Variants in CNTN1 observed in about 807,000 individuals in gnomAD.
The protein encoded by CNTN1 is contactin-1.
In CNTN1, 38 loss-of-function variants were observed where a neutral mutation model predicts 126.4. The ratio of observed to expected loss-of-function variants is 0.30; its 90% CI spans 0.23 to 0.39. The LOEUF is 0.39. CNTN1 is among the 10% of genes least tolerant of loss of function. CNTN1 has a pLI of 1.00. For synonymous variants in CNTN1, 413 were observed against 422.6 expected, an observed-to-expected ratio of 0.98 and a Z score of 0.28; for missense variants, 1,009 against 1,248.4, an observed-to-expected ratio of 0.81 and a Z score of 2.89.
At chr12:40,704,340 G>C (rs1350913415) in intron 1 of CNTN1, among the ~76,000 whole-genome samples, 2 of 151,818 alleles carry the variant, frequency 1.3e-5, no homozygotes, top group Non-Finnish European at 2.9e-5. Context: ...AAATTGGCAG[G>C]CCTATACTCT....
At chr12:40,826,394 AAG>A (rs1377042864) in intron 1 of CNTN1, among the ~76,000 whole-genome samples, 7 of 152,186 alleles carry the variant, frequency 4.6e-5, no homozygotes, top group Non-Finnish European at 8.8e-5. Flanking sequence ...AGTTTACTTG[AAG>A]TTTATTAGCT....
intron 1 of CNTN1, among the ~76,000 whole-genome samples, chr12:40,709,303 C>T (rs1055527842): frequency 8.5e-5 from 13 of 152,154 alleles, no homozygotes; most frequent in African/African-American, 1.2e-4. Flanking sequence ...CAGTCGGTCT[C>T]AACAGTGGGC....
At chr12:40,841,146 C>T (rs1352685520) in intron 1 of CNTN1, among the ~76,000 whole-genome samples, 1 of 151,838 alleles carries the variant, frequency 6.6e-6, no homozygotes, top group African/African-American at 2.4e-5. Flanking sequence ...TACAGAAGAT[C>T]ATCAGAGAAC....
At position 40,734,848 on chromosome 12, in the gene CNTN1, A is replaced by T. The variant is rs560145457; in HGVS notation, c.-77+42256A>T. The stretch of plus-strand genomic sequence containing the variant: ...ATCTGGGTCAGGAAACCTTGAAGGA[A>T]GAGAAATTGATTTTGGAGGTGTTTT... On this transcript the variant is annotated intron_variant, in intron 1 of 23. Coordinates refer to ENST00000551295, the MANE Select transcript of CNTN1 (RefSeq NM_001843.4). Among the ~76,000 whole-genome samples the T allele has an allele frequency of 3.3e-5, 5 of 152,246 alleles. No individual in the cohort carries two copies. In the South Asian group the frequency reaches 1.0e-3, roughly 32 times the overall value.
At chr12:40,776,240 A>C (rs1404187181) in intron 1 of CNTN1, among the ~76,000 whole-genome samples, 1 of 151,744 alleles carries the variant, frequency 6.6e-6, no homozygotes, top group Non-Finnish European at 1.5e-5. Context: ...CAACACTGTA[A>C]GACAGATAAG....
intron 1 of CNTN1, among the ~76,000 whole-genome samples, chr12:40,748,166 T>A (rs1938260282): frequency 6.6e-6 from 1 of 152,082 alleles, no homozygotes; most frequent in African/African-American, 2.4e-5. Flanking sequence ...AATAAAATAA[T>A]AGATGGGATA....
intron 17 of CNTN1, among the ~76,000 whole-genome samples, chr12:40,998,898 ATAAGT>A (rs1948285453): frequency 6.6e-6 from 1 of 152,164 alleles, no homozygotes; most frequent in Non-Finnish European, 1.5e-5. Flanking sequence ...AAATGACTGT[ATAAGT>A]TAAAGTTATA....
intron 1 of CNTN1, among the ~76,000 whole-genome samples, chr12:40,860,461 G>GCC (rs571822183): frequency 6.6e-6 from 1 of 152,020 alleles, no homozygotes; most frequent in Non-Finnish European, 1.5e-5. Flanking sequence ...TTACAAGATT[G>GCC]CCCCCCACTT....
intron 1 of CNTN1, among the ~76,000 whole-genome samples, chr12:40,805,910 G>A (rs755816847): frequency 2.6e-5 from 4 of 152,082 alleles, no homozygotes; most frequent in South Asian, 2.1e-4. Flanking sequence ...TTTCTCTAGC[G>A]TGGCCTGATG....
intron 1 of CNTN1, among the ~76,000 whole-genome samples, chr12:40,750,895 T>C (rs1207276889): frequency 6.6e-6 from 1 of 152,044 alleles, no homozygotes; most frequent in Admixed American, 6.6e-5. Context: ...GGCACAGATA[T>C]GGTAATTTAA....
intron 3 of CNTN1, 120 bp downstream of exon 3, chr12:40,910,225 T>A: frequency 1.3e-6 from 1 of 758,980 alleles, no homozygotes; most frequent in East Asian, 2.6e-5. Context: ...TAGATCACTA[T>A]GAAATTTTGT....
At chr12:40,918,601 A>C in intron 3 of CNTN1, 38 bp from the exon 4 acceptor site, 1 of 1,592,886 alleles carries the variant, frequency 6.3e-7, no homozygotes, top group Non-Finnish European at 8.6e-7. Context: ...TTGACTTATA[A>C]AGCAGTACAA....
rs543623039 is a variant in CNTN1 at position 40,796,525 on chromosome 12, A to G, written c.-77+103933A>G. Among the ~76,000 whole-genome samples the G allele has an allele frequency of 2.6e-5, 4 of 152,220 alleles. No individual in the cohort carries two copies. In the East Asian group the frequency reaches 5.8e-4, roughly 22 times the overall value. ...TGATCTATGCTTGGGTTAAAGTTCA[A>G]AAAGTACTGTACTAGAACAACAGGG... On this transcript the variant is annotated intron_variant, in intron 1 of 23. Transcript: ENST00000551295.
chr12:41,011,311 G>T (rs1296398707), intron 17 of CNTN1, among the ~76,000 whole-genome samples: 5 of 152,164 alleles, frequency 3.3e-5, no homozygotes, highest in Non-Finnish European at 7.4e-5. Flanking sequence ...CTAGTAAGAA[G>T]GCCATGCCCT....
rs1458174010 is a variant in CNTN1 at position 40,878,432 on chromosome 12, A to G, written c.-76-29925A>G. 2.0e-5 allele frequency among the ~76,000 whole-genome samples: 3 copies of G among 151,960 alleles called. No individual in the cohort carries two copies. The East Asian group carries it at 5.8e-4, about 29-fold the overall frequency. On this transcript the variant is annotated intron_variant, in intron 1 of 23. Coordinates refer to ENST00000551295, the MANE Select transcript of CNTN1 (RefSeq NM_001843.4). ...GAGGGCAAAATGGTCTAGACTTAACATATAGAAAGCAAGTCAATTTTTTCT... is the reference window on the plus strand; with the variant it reads ...GAGGGCAAAATGGTCTAGACTTAACGTATAGAAAGCAAGTCAATTTTTTCT...
At chr12:40,910,019 C>G (rs1261582348) in intron 2 of CNTN1, 54 bp from the exon 3 acceptor site, 4 of 1,350,784 alleles carry the variant, frequency 3.0e-6, no homozygotes, top group Non-Finnish European at 4.2e-6. Context: ...ATGTTTGAAA[C>G]CACAATTCAA....
intron 19 of CNTN1, among the ~76,000 whole-genome samples, chr12:41,018,339 A>G (rs1948828792): frequency 6.6e-6 from 1 of 152,052 alleles, no homozygotes; most frequent in African/African-American, 2.4e-5. Flanking sequence ...CCCAACTTCC[A>G]TTGTTTTCAC....
intron 23 of CNTN1, among the ~76,000 whole-genome samples, chr12:41,048,051 C>A (rs2121003403): frequency 6.6e-6 from 1 of 152,234 alleles, no homozygotes; most frequent in East Asian, 1.9e-4. Flanking sequence ...GCATAGACCA[C>A]CCATTCCACC....
chr12:40,770,854 A>G (rs1939311040), intron 1 of CNTN1, among the ~76,000 whole-genome samples: 2 of 152,148 alleles, frequency 1.3e-5, no homozygotes, highest in African/African-American at 4.8e-5. Flanking sequence ...GTATATGCAA[A>G]ATAATAAATA....
Sources: gnomAD v4.1 joint callset for allele counts (sites outside exome capture counted in the v4.1 genomes callset) on GRCh38, gnomAD v4.1.1 for gene constraint, MANE v1.5 for transcripts, NCBI Gene and HGNC (gene_info 2026-07-23, HGNC 2026-07-21) for gene names.